C17orf99: variants seen among roughly 807,000 people sequenced by gnomAD.
The protein encoded by C17orf99 is protein IL-40.
Under a neutral mutation model 22.6 loss-of-function variants are expected in C17orf99, and 18 were observed. The observed-to-expected ratio is 0.80, with a 90% CI of 0.55 to 1.18. The LOEUF is 1.18. Ranked by LOEUF, C17orf99 falls within the 50% of genes most tolerant of loss-of-function variation. The pLI, the probability that C17orf99 is intolerant of heterozygous loss-of-function variation, is 0.00. For missense variants in C17orf99, 328 were observed against 342.7 expected (o/e 0.96, Z 0.34); for synonymous variants, 147 against 136.6 (o/e 1.08, Z -0.53).
chr17:78,166,088 G>T lies in C17orf99; in HGVS notation c.*42G>T. The T allele has an allele frequency of 1.4e-6, 1 of 722,632 alleles. No homozygotes were observed. The highest frequency in any genetic ancestry group is 2.0e-6 in the Non-Finnish European group (1 of 500,882). The allele number at this position is 722,632 out of a possible 1,614,324, so 44.8% of individuals were successfully genotyped here. A position where few individuals can be genotyped will look rare whatever the true frequency, so the allele number is the denominator to read the frequency against. ...AGCCAAGCACGGCAGAGGACTGCAG[G>T]CCATCAGCGTGCACTGTTCGTATTT... On this transcript the variant is annotated 3_prime_UTR_variant, in exon 5 of 5. Transcript: ENST00000340363.
chr17:78,165,283 G>A (rs866912828), intron 4 of C17orf99: 21 of 986,352 alleles, frequency 2.1e-5, no homozygotes, highest in African/African-American at 3.5e-5. Context: ...TCCTCTGCCC[G>A]TGGCCCAGGC....
In C17orf99 at chr17:78,157,893, A is replaced by G. The variant is rs1351108356; in HGVS notation, c.71-3062A>G. Reference sequence around the variant, plus strand: ...GAGATGTCTACTTCGATGACTGGCAAGCACGGCCATGCCAAGGTCCACCTG... The same window carrying G: ...GAGATGTCTACTTCGATGACTGGCAGGCACGGCCATGCCAAGGTCCACCTG... On this transcript the variant is annotated intron_variant, in intron 2 of 4. Coordinates refer to ENST00000340363, the MANE Select transcript of C17orf99 (RefSeq NM_001163075.2). 5.1e-6 allele frequency: 6 copies of G among 1,170,790 alleles called. No individual in the cohort carries two copies. The Admixed American group carries it at 1.1e-4, about 21-fold the overall frequency. 72.5% of individuals were successfully genotyped at this position (1,170,790 alleles called of 1,614,324 possible).
At chr17:78,155,528 G>A (rs1484771284) in intron 2 of C17orf99, among the ~76,000 whole-genome samples, 3 of 152,014 alleles carry the variant, frequency 2.0e-5, no homozygotes, top group African/African-American at 7.2e-5. Flanking sequence ...TGTTGCCTAG[G>A]CTGGTCTGGA....
At chr17:78,149,715 T>A (rs959538378) in intron 2 of C17orf99, among the ~76,000 whole-genome samples, 1 of 149,172 alleles carries the variant, frequency 6.7e-6, no homozygotes, top group Non-Finnish European at 1.5e-5. Flanking sequence ...TAATTTAATT[T>A]TTTTTTTTTT....
intron 2 of C17orf99, chr17:78,157,687 C>T: frequency 2.3e-6 from 1 of 439,146 alleles, no homozygotes; most frequent in Non-Finnish European, 4.1e-6. Context: ...GTCCCAGCTA[C>T]TCTGGAGGCT....
At position 78,166,053 on chromosome 17, in the gene C17orf99, C is replaced by T. The variant is rs3644; in HGVS notation, c.*7C>T. ...CAAAGCAGCAGCCATGTAGAATGAA[C>T]CGTCCAGAGAGCCAAGCACGGCAGA... is the stretch of plus-strand genomic sequence containing the variant. On this transcript the variant is annotated 3_prime_UTR_variant, in exon 5 of 5. Coordinates refer to ENST00000340363, the MANE Select transcript of C17orf99 (RefSeq NM_001163075.2). 155,482 of 1,240,862 alleles carry T rather than the reference C, an allele frequency of 0.13. 10,714 individuals are homozygous for T. The highest frequency in any genetic ancestry group is 0.25 in the Middle Eastern group (852 of 3,460). The allele number at this position is 1,240,862 out of a possible 1,614,324, so 76.9% of individuals were successfully genotyped here.
At chr17:78,146,375 C>T (rs1408306395), upstream of C17orf99, 3 of 1,547,826 alleles carry the variant, frequency 1.9e-6, no homozygotes, top group Non-Finnish European at 2.6e-6. The surrounding 1 kb of genome is among the most constrained non-coding windows in gnomAD (Gnocchi z 5.2). Flanking sequence ...GAGGTTCTCA[C>T]TGCCCGAGCA....
Position 78,146,473 on chromosome 17 carries a change from G to A in C17orf99, c.37+29G>A. The A allele has an allele frequency of 6.5e-7, 1 of 1,547,078 alleles. No homozygotes were observed. ...AGTCCACCAGGGACGTGATGGTGGG[G>A]CTGCTGCTGGGGCCTTGAGGTCTTG... is the stretch of plus-strand genomic sequence containing the variant. On this transcript the variant is annotated intron_variant, in intron 1 of 4. Coordinates refer to ENST00000340363, the MANE Select transcript of C17orf99 (RefSeq NM_001163075.2). The surrounding 1 kb of genome is among the most constrained non-coding windows in gnomAD (Gnocchi z 5.2).
At chr17:78,150,311 A>G (rs1181254910) in intron 2 of C17orf99, among the ~76,000 whole-genome samples, 2 of 151,916 alleles carry the variant, frequency 1.3e-5, no homozygotes, top group South Asian at 2.1e-4. Context: ...CTGGCCTAAT[A>G]TTTCAAATTT....
chr17:78,155,628 T>C (rs1369637639), intron 2 of C17orf99, among the ~76,000 whole-genome samples: 2 of 151,976 alleles, frequency 1.3e-5, no homozygotes, highest in African/African-American at 2.4e-5. Context: ...ATACACACTA[T>C]TCTTTTTCTT....
At position 78,164,376 on chromosome 17, in the gene C17orf99, C is replaced by G. The variant is rs1217384710; in HGVS notation, c.640+12C>G. ...AGTGGTGCCCCCAGGTGAGAGGGCC[C>G]TTGGATTTCCAGAGGGGCAGCTGGC... On this transcript the variant is annotated intron_variant, in intron 4 of 4. Transcript: ENST00000340363. 1 of 1,551,162 alleles carries G rather than the reference C, an allele frequency of 6.4e-7. No homozygotes were observed. The highest frequency in any genetic ancestry group is 8.7e-7 in the Non-Finnish European group (1 of 1,146,998).
intron 4 of C17orf99, chr17:78,165,577 C>T (rs886997843): frequency 2.8e-5 from 28 of 985,814 alleles, no homozygotes; most frequent in African/African-American, 3.5e-5. Context: ...CTGAGGCAGG[C>T]GAATCACCTG....
At chr17:78,163,448 T>C (rs1425537114) in intron 3 of C17orf99, among the ~76,000 whole-genome samples, 1 of 152,260 alleles carries the variant, frequency 6.6e-6, no homozygotes, top group Non-Finnish European at 1.5e-5. Context: ...GACTGAATGA[T>C]AGAGTTGCCA....
Position 78,166,270 on chromosome 17 carries a change from G to A in C17orf99, c.*224G>A, listed in dbSNP as rs997539607. 4 of 356,266 alleles carry A rather than the reference G, an allele frequency of 1.1e-5. No homozygotes were observed. Among genetic ancestry groups the A allele is most frequent in the African/African-American group, 8.4e-5 (4 of 47,536 alleles). 22.1% of individuals were successfully genotyped at this position (356,266 alleles called of 1,614,324 possible). Reference sequence around the variant, plus strand: ...TATCTATATGAATCCCATCATATCAGGTTGTCTACCTTAAATATACACAAA... The same window carrying A: ...TATCTATATGAATCCCATCATATCAAGTTGTCTACCTTAAATATACACAAA... On this transcript the variant is annotated 3_prime_UTR_variant, in exon 5 of 5. Transcript: ENST00000340363.
rs1455006148 is a variant in C17orf99 at position 78,152,612 on chromosome 17, G to T, written c.70+5701G>T. On this transcript the variant is annotated intron_variant, in intron 2 of 4. Coordinates refer to ENST00000340363, the MANE Select transcript of C17orf99 (RefSeq NM_001163075.2). ...GACCTCCCAAAGTGTTAGGATTATA[G>T]GCATGAGCCACTGCACCCAGCCAAT... is the stretch of plus-strand genomic sequence containing the variant. 3.3e-5 allele frequency among the ~76,000 whole-genome samples: 5 copies of T among 150,758 alleles called. No individual in the cohort carries two copies. The East Asian group carries it at 1.0e-3, about 30-fold the overall frequency.
chr17:78,165,499 C>A, intron 4 of C17orf99: 1 of 986,560 alleles, frequency 1.0e-6, no homozygotes. Context: ...ATGTGCTTGG[C>A]ACCATAAAAC....
At chr17:78,146,216 T>G, upstream of C17orf99, 1 of 530,412 alleles carries the variant, frequency 1.9e-6, no homozygotes, top group Non-Finnish European at 3.4e-6. The surrounding 1 kb of genome is among the most constrained non-coding windows in gnomAD (Gnocchi z 5.2). Flanking sequence ...TGAGGGGGAG[T>G]TTGCTGTACC....
intron 4 of C17orf99, 95 bp downstream of exon 4, chr17:78,164,459 G>C: frequency 6.5e-7 from 1 of 1,547,422 alleles, no homozygotes; most frequent in Non-Finnish European, 8.7e-7. Flanking sequence ...AAGTGGGACA[G>C]CTCTACCCGG....
chr17:78,161,257 G>C lies in C17orf99; in HGVS notation c.370+3G>C. 1 of 1,550,856 alleles carries C rather than the reference G, an allele frequency of 6.4e-7. No individual in the cohort carries two copies. The highest frequency in any genetic ancestry group is 8.7e-7 in the Non-Finnish European group (1 of 1,146,256). ...GATGCACTGGGAGCTGTGGTCCAGT[G>C]AGTGCGGTGGGGGGCACAGGGCTGA... On this transcript the variant is annotated splice_donor_region_variant and intron_variant, in intron 3 of 4. Transcript: ENST00000340363.
Sources: allele counts gnomAD v4.1 joint callset (sites outside exome capture counted in the v4.1 genomes callset), GRCh38; gene constraint gnomAD v4.1.1; non-coding constraint Gnocchi (gnomAD v3.1); transcripts MANE v1.5; gene names NCBI Gene and HGNC (gene_info 2026-07-23, HGNC 2026-07-21).